The following CCT4 variants were observed in gnomAD, a reference collection of about 807,000 sequenced individuals.
CCT4 encodes the protein chaperonin containing TCP1 subunit 4, also known as T-complex protein 1 subunit delta.
In CCT4, 17 loss-of-function variants were observed where a neutral mutation model predicts 62.5. The observed-to-expected ratio is 0.27, with a 90% CI of 0.19 to 0.41. CCT4 has a LOEUF of 0.41. Ranked by LOEUF, CCT4 falls within the 10% of genes least tolerant of loss-of-function variation. The probability of loss-of-function intolerance (pLI) is 1.00; values close to 1 mark genes in which losing one functional copy is unlikely to be tolerated. For missense variants in CCT4, 592 were observed against 659.2 expected, an observed-to-expected ratio of 0.90 and a Z score of 1.12; for synonymous variants, 250 against 229.9, an observed-to-expected ratio of 1.09 and a Z score of -0.79.
rs1010861011 is a variant in CCT4 at position 61,884,306 on chromosome 2, AC to A, written c.180+713del. Among the ~76,000 whole-genome samples, 78 of 152,032 alleles carry A rather than the reference AC, an allele frequency of 5.1e-4. 1 individual carries two copies. The highest frequency in any genetic ancestry group is 1.5e-3 in the African/African-American group (61 of 41,484). On this transcript the variant is annotated intron_variant, in intron 2 of 13. Transcript: ENST00000394440. ...GAATTCCAGGTACCCAACACTTTTT[AC>A]TTTTTTTTTGGTTTGAGATGGAGTC...
intron 12 of CCT4, among the ~76,000 whole-genome samples, chr2:61,870,695 A>G (rs1366924725): frequency 6.6e-6 from 1 of 152,120 alleles, no homozygotes; most frequent in East Asian, 1.9e-4. Context: ...GAGGCAGGTG[A>G]ATTGCCTGAG....
At chr2:61,872,428 T>C (rs934600877) in intron 11 of CCT4, 30 bp downstream of exon 11, 4 of 1,561,916 alleles carry the variant, frequency 2.6e-6, no homozygotes, top group African/African-American at 1.4e-5. Flanking sequence ...ATGTTCAAAA[T>C]GTTACTTAAT....
chr2:61,886,500 C>T (rs141815124), intron 1 of CCT4, among the ~76,000 whole-genome samples: 120 of 152,286 alleles, frequency 7.9e-4, no homozygotes, highest in African/African-American at 2.8e-3. Context: ...TGTTATAAAA[C>T]ATCTCTGGGG....
intron 6 of CCT4, 108 bp downstream of exon 6, chr2:61,877,285 A>C: frequency 8.4e-7 from 1 of 1,194,248 alleles, no homozygotes; most frequent in Non-Finnish European, 1.2e-6. Flanking sequence ...ACAAAACCAA[A>C]AAGAGAAAAG....
chr2:61,874,920 G>A (rs978682557), intron 8 of CCT4, among the ~76,000 whole-genome samples: 5 of 152,214 alleles, frequency 3.3e-5, no homozygotes, highest in African/African-American at 1.2e-4. Context: ...CAAGGCTGGC[G>A]GATCACCTGA....
At chr2:61,881,958 A>T (rs2105138069) in intron 3 of CCT4, among the ~76,000 whole-genome samples, 2 of 145,786 alleles carry the variant, frequency 1.4e-5, no homozygotes, top group East Asian at 2.0e-4. Context: ...TTTGAGACGG[A>T]GTCTTACTCT....
chr2:61,876,763 C>T (rs1204897704), intron 7 of CCT4, among the ~76,000 whole-genome samples, 157 bp downstream of exon 7: 5 of 152,204 alleles, frequency 3.3e-5, no homozygotes, highest in Admixed American at 2.0e-4. Context: ...AGACTTGTCA[C>T]TTGTGGCACC....
At chr2:61,881,685 C>T (rs928458645) in intron 3 of CCT4, among the ~76,000 whole-genome samples, 4 of 151,888 alleles carry the variant, frequency 2.6e-5, no homozygotes, top group South Asian at 2.1e-4. Flanking sequence ...ACAGTATATA[C>T]GTAATTTTAT....
chr2:61,882,213 A>G (rs1669133921), intron 3 of CCT4, among the ~76,000 whole-genome samples: 2 of 152,214 alleles, frequency 1.3e-5, no homozygotes, highest in South Asian at 4.1e-4. Context: ...GATTACAGGC[A>G]CGAGCCACTG....
intron 8 of CCT4, among the ~76,000 whole-genome samples, chr2:61,873,890 AG>A (rs1445807537): frequency 1.3e-5 from 2 of 151,856 alleles, no homozygotes; most frequent in Non-Finnish European, 2.9e-5. Context: ...TAATAGAGAC[AG>A]GGTCTCCCTA....
intron 1 of CCT4, chr2:61,885,627 T>C (rs1669233090): frequency 1.3e-5 from 2 of 152,380 alleles, no homozygotes; most frequent in African/African-American, 2.4e-5. Flanking sequence ...TCGGCCAGGA[T>C]GGTCTCAATC....
intron 11 of CCT4, 40 bp downstream of exon 11, chr2:61,872,418 A>T: frequency 1.3e-6 from 2 of 1,519,672 alleles, no homozygotes; most frequent in Non-Finnish European, 1.8e-6. Flanking sequence ...AATAGTTTTA[A>T]TGTTCAAAAT....
chr2:61,876,066 A>G, intron 8 of CCT4, 29 bp downstream of exon 8: 1 of 1,473,308 alleles, frequency 6.8e-7, no homozygotes, highest in Non-Finnish European at 9.3e-7. Context: ...ATTATCATTA[A>G]GGGATGAACA....
chr2:61,878,689 C>T lies in CCT4; in HGVS notation c.522+180G>A, dbSNP rs138094826. On this transcript the variant is annotated intron_variant, in intron 5 of 13. Coordinates refer to ENST00000394440, the MANE Select transcript of CCT4 (RefSeq NM_006430.4). ...ATATAGTATATATTAAATATCCTAA[C>T]TCCTTTGTTAGCCTTATGGCTCATT... is the stretch of plus-strand genomic sequence containing the variant. Among the ~76,000 whole-genome samples the T allele has an allele frequency of 7.2e-4, 110 of 152,316 alleles. 1 individual carries two copies. The highest frequency in any genetic ancestry group is 2.6e-3 in the African/African-American group (107 of 41,580).
intron 1 of CCT4, among the ~76,000 whole-genome samples, chr2:61,886,254 A>C (rs1244112219): frequency 6.6e-6 from 1 of 152,150 alleles, no homozygotes; most frequent in Non-Finnish European, 1.5e-5. Flanking sequence ...CTACTAATAC[A>C]AAAATGAGCC....
intron 2 of CCT4, 108 bp downstream of exon 2, chr2:61,884,912 C>G (rs1369669121): frequency 6.4e-6 from 6 of 934,864 alleles, no homozygotes; most frequent in Non-Finnish European, 9.9e-6. Flanking sequence ...AGGTGTGAGC[C>G]ACCACGCCCA....
At chr2:61,884,365 G>A (rs891149006) in intron 2 of CCT4, among the ~76,000 whole-genome samples, 17 of 151,758 alleles carry the variant, frequency 1.1e-4, no homozygotes, top group East Asian at 7.8e-4. Flanking sequence ...GTGCAGCTGC[G>A]CGATCTCGGC....
At chr2:61,884,555 C>T (rs1471304365) in intron 2 of CCT4, among the ~76,000 whole-genome samples, 3 of 152,034 alleles carry the variant, frequency 2.0e-5, no homozygotes, top group South Asian at 2.1e-4. Context: ...GTGATCCACC[C>T]GTCTCGGCCT....
intron 8 of CCT4, among the ~76,000 whole-genome samples, chr2:61,873,666 A>T (rs779404588): frequency 6.6e-6 from 1 of 152,006 alleles, no homozygotes; most frequent in Non-Finnish European, 1.5e-5. Flanking sequence ...CCTGGGTTCA[A>T]GCGATTCTCC....
Sources: gnomAD v4.1 joint callset for allele counts (sites outside exome capture counted in the v4.1 genomes callset) on GRCh38, gnomAD v4.1.1 for gene constraint, MANE v1.5 for transcripts, NCBI Gene and HGNC (gene_info 2026-07-23, HGNC 2026-07-21) for gene names.